The following GRM7 variants were observed in gnomAD, a reference collection of about 807,000 sequenced individuals.
The protein encoded by GRM7 is glutamate metabotropic receptor 7.
In GRM7, 35 loss-of-function variants were observed where a neutral mutation model predicts 84.5. The ratio of observed to expected loss-of-function variants is 0.41; its 90% CI spans 0.32 to 0.55. The LOEUF (loss-of-function observed/expected upper bound fraction) is 0.55, where lower values mean the gene tolerates loss of function less well. Among genes scored for constraint, GRM7 ranks in the 20% least tolerant of loss-of-function variants. The pLI, the probability that GRM7 is intolerant of heterozygous loss-of-function variation, is 0.19. For missense variants in GRM7, 1,003 were observed against 1,194.6 expected, an observed-to-expected ratio of 0.84 and a Z score of 2.36; for synonymous variants, 487 against 455.1, an observed-to-expected ratio of 1.07 and a Z score of -0.89.
intron 9 of GRM7, among the ~76,000 whole-genome samples, chr3:7,712,683 C>G (rs906664583): frequency 6.8e-6 from 1 of 146,984 alleles, no homozygotes; most frequent in Non-Finnish European, 1.5e-5. Context: ...AACACTTAAG[C>G]TAAGATCTAC....
intron 5 of GRM7, among the ~76,000 whole-genome samples, chr3:7,449,745 C>G (rs1037665177): frequency 6.6e-6 from 1 of 152,094 alleles, no homozygotes; most frequent in Non-Finnish European, 1.5e-5. Flanking sequence ...ATTACAATAA[C>G]TGCATAGCTA....
At chr3:7,641,095 G>C (rs899909115) in intron 8 of GRM7, among the ~76,000 whole-genome samples, 1 of 152,146 alleles carries the variant, frequency 6.6e-6, no homozygotes, top group African/African-American at 2.4e-5. Context: ...AACCAATTTA[G>C]TTAGTGAAAG....
chr3:6,922,125 T>C (rs1354357581), intron 1 of GRM7, among the ~76,000 whole-genome samples: 1 of 152,212 alleles, frequency 6.6e-6, no homozygotes, highest in African/African-American at 2.4e-5. Context: ...CCTTTTTTTA[T>C]AGATGTGCAA....
intron 1 of GRM7, among the ~76,000 whole-genome samples, chr3:6,957,495 C>G (rs545611037): frequency 6.6e-6 from 1 of 152,348 alleles, no homozygotes; most frequent in African/African-American, 2.4e-5. Context: ...TTTGTAGTGT[C>G]CCATAGGCAG....
intron 7 of GRM7, among the ~76,000 whole-genome samples, chr3:7,507,692 G>A (rs1700079767): frequency 6.6e-6 from 1 of 152,168 alleles, no homozygotes; most frequent in African/African-American, 2.4e-5. Context: ...TATGATTGAG[G>A]AAGAACTAGA....
At chr3:7,173,659 T>A (rs940368393) in intron 2 of GRM7, among the ~76,000 whole-genome samples, 1 of 152,106 alleles carries the variant, frequency 6.6e-6, no homozygotes, top group Non-Finnish European at 1.5e-5. Context: ...AGACTCATGG[T>A]TCAAACACAT....
chr3:7,371,963 A>G (rs1694157999), intron 4 of GRM7, among the ~76,000 whole-genome samples: 1 of 152,142 alleles, frequency 6.6e-6, no homozygotes, highest in Admixed American at 6.5e-5. Flanking sequence ...AAAGCAGTAA[A>G]AGATGCTCAA....
intron 7 of GRM7, among the ~76,000 whole-genome samples, chr3:7,570,872 A>T (rs547242266): frequency 6.6e-6 from 1 of 152,178 alleles, no homozygotes; most frequent in Non-Finnish European, 1.5e-5. Flanking sequence ...GTTTCCATAC[A>T]TCCTCTGAAA....
intron 1 of GRM7, among the ~76,000 whole-genome samples, chr3:6,937,189 C>G (rs1438801442): frequency 2.6e-5 from 4 of 152,182 alleles, no homozygotes; most frequent in African/African-American, 9.7e-5. Flanking sequence ...CATTAAATAT[C>G]AATTATCATA....
chr3:7,620,385 G>A (rs1697300533), intron 8 of GRM7, among the ~76,000 whole-genome samples: 1 of 151,956 alleles, frequency 6.6e-6, no homozygotes, highest in Non-Finnish European at 1.5e-5. Context: ...AATTTATGTT[G>A]GGGACAGAGA....
chr3:7,242,192 C>T (rs924830680), intron 2 of GRM7, among the ~76,000 whole-genome samples: 2 of 152,176 alleles, frequency 1.3e-5, no homozygotes, highest in African/African-American at 4.8e-5. Flanking sequence ...GATCCTGTGA[C>T]TGGCTAGAGT....
intron 8 of GRM7, among the ~76,000 whole-genome samples, chr3:7,601,905 T>C (rs558283147): frequency 2.0e-5 from 3 of 152,112 alleles, no homozygotes; most frequent in Non-Finnish European, 4.4e-5. Flanking sequence ...TGCCATGTGT[T>C]CATTGGATAG....
chr3:7,369,224 T>G (rs1203215320), intron 4 of GRM7, among the ~76,000 whole-genome samples: 1 of 152,052 alleles, frequency 6.6e-6, no homozygotes, highest in African/African-American at 2.4e-5. Context: ...AAACAACTTT[T>G]TAAATTTTTC....
intron 8 of GRM7, chr3:7,636,269 G>C (rs1032715766): frequency 6.6e-6 from 3 of 456,490 alleles, no homozygotes; most frequent in Non-Finnish European, 1.3e-5. Flanking sequence ...GGCTTTCCCT[G>C]AATCATTGTA....
intron 2 of GRM7, among the ~76,000 whole-genome samples, chr3:7,178,879 GA>G (rs1392849306): frequency 6.6e-6 from 1 of 151,848 alleles, no homozygotes; most frequent in Non-Finnish European, 1.5e-5. Context: ...TCAGGAGTTT[GA>G]GACCAGTCTG....
chr3:7,174,654 T>G (rs551318429), intron 2 of GRM7, among the ~76,000 whole-genome samples: 2 of 152,172 alleles, frequency 1.3e-5, no homozygotes, highest in African/African-American at 4.8e-5. Flanking sequence ...ACCCTAAAAC[T>G]TCAGAGTCCA....
chr3:7,502,595 T>C (rs2124966621), intron 7 of GRM7, among the ~76,000 whole-genome samples: 1 of 152,308 alleles, frequency 6.6e-6, no homozygotes, highest in Middle Eastern at 3.4e-3. Context: ...TGTGTGTGTG[T>C]GCACACACAC....
At chr3:7,175,944 T>G (rs1314271106) in intron 2 of GRM7, among the ~76,000 whole-genome samples, 1 of 152,152 alleles carries the variant, frequency 6.6e-6, no homozygotes, top group Non-Finnish European at 1.5e-5. Flanking sequence ...CCATTGTTGA[T>G]TAATCTTTAT....
At chr3:7,311,832 T>G (rs1700408130) in intron 4 of GRM7, among the ~76,000 whole-genome samples, 1 of 152,174 alleles carries the variant, frequency 6.6e-6, no homozygotes, top group South Asian at 2.1e-4. Context: ...TGACCTCAAG[T>G]CATCCGCCAG....
Sources: allele counts gnomAD v4.1 joint callset (sites outside exome capture counted in the v4.1 genomes callset), GRCh38; gene constraint gnomAD v4.1.1; transcripts MANE v1.5; gene names NCBI Gene and HGNC (gene_info 2026-07-23, HGNC 2026-07-21).